Variants in CSMD3 observed in about 807,000 individuals in gnomAD.
The protein encoded by CSMD3 is CUB and sushi domain-containing protein 3.
In CSMD3, 177 loss-of-function variants were observed where a neutral mutation model predicts 435.2. That is an observed-to-expected ratio of 0.41 (90% CI 0.36 to 0.46). The LOEUF (loss-of-function observed/expected upper bound fraction) is 0.46. CSMD3 is among the 20% of genes least tolerant of loss of function. The pLI, the probability that CSMD3 is intolerant of heterozygous loss-of-function variation, is 0.34. For missense variants in CSMD3, 4,265 were observed against 4,504.6 expected, an observed-to-expected ratio of 0.95 and a Z score of 1.52; for synonymous variants, 1,656 against 1,520.5, an observed-to-expected ratio of 1.09 and a Z score of -2.07.
intron 11 of CSMD3, among the ~76,000 whole-genome samples, chr8:112,830,412 C>T (rs2079835319): frequency 1.3e-5 from 2 of 152,034 alleles, no homozygotes; most frequent in African/African-American, 4.8e-5. Context: ...TGTAATTCAG[C>T]ATTATTTCTT....
rs1467745221 is a variant in CSMD3, at chr8:112,751,066, C to G, written c.1972+49096G>C. ...ATACCAAGGGATGACAGTATAGTAGCTTTGTATTAAAAAAAAAAAATAGAA... is the reference window on the plus strand; with the variant it reads ...ATACCAAGGGATGACAGTATAGTAGGTTTGTATTAAAAAAAAAAAATAGAA... On this transcript the variant is annotated intron_variant, in intron 13 of 70. Transcript: ENST00000297405. Among the ~76,000 whole-genome samples, 4 of 68,770 alleles carry G rather than the reference C, an allele frequency of 5.8e-5. No individual in the cohort carries two copies. The Admixed American group carries it at 6.3e-4, about 11-fold the overall frequency. 45.1% of individuals were successfully genotyped at this position (68,770 alleles called of 152,430 possible). A position where few individuals can be genotyped will look rare whatever the true frequency, so the allele number is the denominator to read the frequency against.
intron 3 of CSMD3, among the ~76,000 whole-genome samples, chr8:113,183,193 TGAA>T (rs1488497022): frequency 6.6e-6 from 1 of 152,030 alleles, no homozygotes; most frequent in African/African-American, 2.4e-5. Flanking sequence ...TGGTAAAATT[TGAA>T]GTGGGTGTTG....
intron 32 of CSMD3, among the ~76,000 whole-genome samples, chr8:112,436,899 C>A (rs1410614615): frequency 1.3e-5 from 2 of 151,998 alleles, no homozygotes; most frequent in Non-Finnish European, 2.9e-5. Flanking sequence ...AGACATATGG[C>A]ATTTGAATGA....
chr8:112,730,686 AC>A (rs1432947554), intron 13 of CSMD3, among the ~76,000 whole-genome samples: 3 of 151,938 alleles, frequency 2.0e-5, no homozygotes, highest in African/African-American at 4.8e-5. Context: ...CACCACCAAC[AC>A]CCCTTCAACC....
intron 4 of CSMD3, among the ~76,000 whole-genome samples, chr8:113,102,437 A>C (rs1224166532): frequency 6.6e-6 from 1 of 152,152 alleles, no homozygotes; most frequent in Non-Finnish European, 1.5e-5. Flanking sequence ...AATGACTATA[A>C]AACGTTTTCA....
At chr8:113,341,194 T>A (rs2132845358) in intron 1 of CSMD3, among the ~76,000 whole-genome samples, 1 of 152,276 alleles carries the variant, frequency 6.6e-6, no homozygotes, top group South Asian at 2.1e-4. Flanking sequence ...TATATATGCA[T>A]AAACATATAA....
At chr8:112,869,514 C>T (rs1387161378) in intron 10 of CSMD3, among the ~76,000 whole-genome samples, 1 of 152,086 alleles carries the variant, frequency 6.6e-6, no homozygotes, top group African/African-American at 2.4e-5. Context: ...CCATTTGACC[C>T]AGCCATCCCA....
Position 112,356,646 on chromosome 8 carries a change from G to T in CSMD3, c.6137-4112C>A, listed in dbSNP as rs113573830. On this transcript the variant is annotated intron_variant, in intron 38 of 70. Transcript: ENST00000297405. ...TTCTCATCTTGAATTCCCACGTGTT[G>T]TGGGAGGAACCTGGTGGGAGGTAAC... Among the ~76,000 whole-genome samples, 7 of 151,666 alleles carry T rather than the reference G, an allele frequency of 4.6e-5. No homozygotes were observed. In the South Asian group the frequency reaches 1.3e-3, roughly 27 times the overall value.
chr8:112,741,547 C>T (rs1027200275), intron 13 of CSMD3, among the ~76,000 whole-genome samples: 12 of 151,986 alleles, frequency 7.9e-5, no homozygotes, highest in East Asian at 5.8e-4. Flanking sequence ...CATGGAAAAC[C>T]GCCCAAAGGG....
rs2086959531 is a variant in CSMD3 at position 113,028,443 on chromosome 8, A to G, written c.918-9264T>C. On this transcript the variant is annotated intron_variant, in intron 5 of 70. Coordinates refer to ENST00000297405, the MANE Select transcript of CSMD3 (RefSeq NM_198123.2). ...TGAAAGGAAGAGTCACATGTCTCTC[A>G]CTTTCAATCAAAAGCTAGAAATTAT... 1.3e-5 allele frequency among the ~76,000 whole-genome samples: 2 copies of G among 151,526 alleles called. 1 individual carries two copies. The highest frequency in any genetic ancestry group is 4.2e-4 in the South Asian group (2 of 4,790).
intron 30 of CSMD3, among the ~76,000 whole-genome samples, chr8:112,499,845 G>A (rs1243812864): frequency 2.6e-5 from 4 of 151,974 alleles, no homozygotes; most frequent in Non-Finnish European, 5.9e-5. Context: ...TTGGCCAGGC[G>A]TGGTGGCTTA....
intron 13 of CSMD3, among the ~76,000 whole-genome samples, chr8:112,700,682 C>G (rs190983585): frequency 1.3e-5 from 2 of 152,062 alleles, no homozygotes; most frequent in African/African-American, 4.8e-5. Context: ...TGCAGGCTTA[C>G]GGACAGAACA....
intron 10 of CSMD3, 36 bp downstream of exon 10, chr8:112,921,591 A>G (rs761779659): frequency 6.4e-7 from 1 of 1,560,398 alleles, no homozygotes; most frequent in Non-Finnish European, 8.8e-7. Context: ...TTAAACTATT[A>G]AAATGTGTTC....
At chr8:112,945,638 G>A (rs1023081373) in intron 9 of CSMD3, among the ~76,000 whole-genome samples, 37 of 148,014 alleles carry the variant, frequency 2.5e-4, no homozygotes, top group Non-Finnish European at 4.5e-4. Context: ...AATATTCTGA[G>A]TTTTAAATGT....
intron 10 of CSMD3, among the ~76,000 whole-genome samples, chr8:112,871,208 A>C (rs2081126509): frequency 6.6e-6 from 1 of 152,232 alleles, no homozygotes; most frequent in South Asian, 2.1e-4. Flanking sequence ...ATGTAAAACA[A>C]TGTGCTGATG....
intron 5 of CSMD3, among the ~76,000 whole-genome samples, chr8:113,044,068 A>G (rs983056406): frequency 1.3e-5 from 2 of 152,200 alleles, no homozygotes; most frequent in East Asian, 3.9e-4. Flanking sequence ...GTCCAGTGTT[A>G]TAGACCAGAC....
At chr8:112,563,664 C>T (rs1313767929) in intron 24 of CSMD3, among the ~76,000 whole-genome samples, 1 of 151,940 alleles carries the variant, frequency 6.6e-6, no homozygotes, top group Non-Finnish European at 1.5e-5. Flanking sequence ...TTGGTGTAAT[C>T]TAAATATATC....
intron 31 of CSMD3, among the ~76,000 whole-genome samples, chr8:112,488,262 T>C (rs1820332748): frequency 6.6e-6 from 1 of 152,160 alleles, no homozygotes; most frequent in South Asian, 2.1e-4. Context: ...ATTGATTTGG[T>C]TCGGTTTGAG....
chr8:113,186,956 G>T (rs1199870553), intron 3 of CSMD3, among the ~76,000 whole-genome samples: 1 of 151,924 alleles, frequency 6.6e-6, no homozygotes, highest in Non-Finnish European at 1.5e-5. Context: ...CACCATGCAT[G>T]CTTGGACAAT....
Sources: allele counts gnomAD v4.1 joint callset (sites outside exome capture counted in the v4.1 genomes callset), GRCh38; gene constraint gnomAD v4.1.1; transcripts MANE v1.5; gene names NCBI Gene and HGNC (gene_info 2026-07-23, HGNC 2026-07-21).